MINK1: variants seen among roughly 807,000 people sequenced by gnomAD.
The protein encoded by MINK1 is misshapen-like kinase 1.
In MINK1, 46 loss-of-function variants were observed where a neutral mutation model predicts 178.4. The observed-to-expected ratio is 0.26, with a 90% CI of 0.20 to 0.33. The LOEUF is 0.33. Among genes scored for constraint, MINK1 ranks in the 10% least tolerant of loss-of-function variants. MINK1 has a pLI of 1.00. For missense variants in MINK1, 1,366 were observed against 1,814.9 expected (o/e 0.75, Z 4.49); for synonymous variants, 797 against 709.7 (o/e 1.12, Z -1.96).
At chr17:4,851,332 A>G (rs1299662387) in intron 1 of MINK1, among the ~76,000 whole-genome samples, 1 of 152,176 alleles carries the variant, frequency 6.6e-6, no homozygotes, top group African/African-American at 2.4e-5. Context: ...CCTAAATTAT[A>G]CAGAAGAGTC....
At position 4,896,804 on chromosome 17, in the gene MINK1, G is replaced by C. The variant is rs755867002; in HGVS notation, c.3906G>C (p.Arg1302=). The C allele has an allele frequency of 1.3e-4, 208 of 1,564,456 alleles. No homozygotes were observed. The highest frequency in any genetic ancestry group is 1.8e-4 in the Non-Finnish European group (204 of 1,155,838). ...RAQRLKFLCE[R]NDKVFFASVR... is the part of the protein sequence containing the mutation. ...AGAGGCTCAAGTTCCTGTGTGAGCG[G>C]AATGACAAGGTGGGAGGCTCCTTCC... The change falls in exon 31 of 32, where the codon CGG becomes CGC. Residue 1302 remains arginine, a synonymous_variant. Transcript: ENST00000355280. This position sits in a 1 kb window ranked among gnomAD's most constrained non-coding sequence, Gnocchi z 4.6.
At chr17:4,855,190 T>TTAA (rs554224671) in intron 1 of MINK1, among the ~76,000 whole-genome samples, 2 of 130,166 alleles carry the variant, frequency 1.5e-5, no homozygotes, top group African/African-American at 3.1e-5. Context: ...ACTCCTGTCT[T>TTAA]AAAAAAAAAA....
intron 1 of MINK1, among the ~76,000 whole-genome samples, chr17:4,869,684 A>G (rs781730797): frequency 9.3e-5 from 14 of 150,602 alleles, no homozygotes; most frequent in Non-Finnish European, 4.4e-5. Flanking sequence ...TAGAGGCTGT[A>G]CTAATTTAGA....
chr17:4,884,642 C>T (rs1968031516), intron 5 of MINK1, among the ~76,000 whole-genome samples, 169 bp downstream of exon 5: 1 of 152,162 alleles, frequency 6.6e-6, no homozygotes, highest in African/African-American at 2.4e-5. Context: ...TGGGAAGTCT[C>T]AGGCTGTTGG....
chr17:4,881,166 T>C lies in MINK1; in HGVS notation c.215T>C (p.Met72Thr). The C allele has an allele frequency of 6.5e-7, 1 of 1,537,040 alleles. No homozygotes were observed. The highest frequency in any genetic ancestry group is 8.7e-7 in the Non-Finnish European group (1 of 1,146,858). ...GAAGAGATCAAACAGGAGATCAACA[T>C]GCTGAAAAAGTACTCTCACCACCGC... The part of the protein sequence containing the change: ...EEEEIKQEIN[M>T]LKKYSHHRNI... The change falls in exon 4 of 32, where the codon ATG becomes ACG. Residue 72 changes from methionine (M) to threonine (T), a missense_variant. Coordinates refer to ENST00000355280, the MANE Select transcript of MINK1 (RefSeq NM_153827.5).
At position 4,893,985 on chromosome 17, in the gene MINK1, C is replaced by T; in HGVS notation, c.2565-3C>T. 6.4e-7 allele frequency: 1 copy of T among 1,570,010 alleles called. No individual in the cohort carries two copies. The highest frequency in any genetic ancestry group is 8.6e-7 in the Non-Finnish European group (1 of 1,158,940). ...GGAGGGGCCCCACCTTCCTCTCTCA[C>T]AGCAGCGATGGGGATACAGACAGCG... is the stretch of plus-strand genomic sequence containing the variant. On this transcript the variant is annotated splice_polypyrimidine_tract_variant and splice_region_variant and intron_variant, in intron 21 of 31. Transcript: ENST00000355280.
At chr17:4,890,922 G>A (rs369328163) in intron 14 of MINK1, 29 bp from the exon 15 acceptor site, 20 of 1,551,822 alleles carry the variant, frequency 1.3e-5, no homozygotes, top group Admixed American at 2.0e-5. Context: ...GGCAAGAGCT[G>A]GCCTGCTTGA....
At position 4,885,210 on chromosome 17, in the gene MINK1, G is replaced by A. The variant is rs1293845572; in HGVS notation, c.508+208G>A. ...TTCACCTGTCACCTGTTACGGGCCA[G>A]GTGCTCTGCAGGTTGCTCTGGGGAG... On this transcript the variant is annotated intron_variant, in intron 6 of 31. Coordinates refer to ENST00000355280, the MANE Select transcript of MINK1 (RefSeq NM_153827.5). The surrounding 1 kb of genome is among the most constrained non-coding windows in gnomAD (Gnocchi z 5.0). 6.6e-6 allele frequency among the ~76,000 whole-genome samples: 1 copy of A among 152,214 alleles called. No homozygotes were observed. Among genetic ancestry groups the A allele is most frequent in the Non-Finnish European group, 1.5e-5 (1 of 68,038 alleles).
At chr17:4,880,010 C>T (rs938982700) in intron 2 of MINK1, among the ~76,000 whole-genome samples, 1 of 152,194 alleles carries the variant, frequency 6.6e-6, no homozygotes, top group Non-Finnish European at 1.5e-5. Flanking sequence ...CTACTGCCTC[C>T]ATCCTCCGTT....
At chr17:4,884,082 GTCTTGAACTCCTGACC>G (rs1320312618) in intron 4 of MINK1, among the ~76,000 whole-genome samples, 1 of 146,342 alleles carries the variant, frequency 6.8e-6, no homozygotes, top group African/African-American at 2.6e-5. Flanking sequence ...GGCCAGGCTG[GTCTTGAACTCCTGACC>G]TCAGGTGATC....
Position 4,833,766 on chromosome 17 carries a change from C to T in MINK1, c.57+126C>T, listed in dbSNP as rs752855439. On this transcript the variant is annotated intron_variant, in intron 1 of 31. Transcript: ENST00000355280. This position sits in a 1 kb window ranked among gnomAD's most constrained non-coding sequence, Gnocchi z 4.8. ...ACCAGCTTGGGTCCCCTTGGCGACC[C>T]GTGCCCCTTTCCCGGACTCCCGCCG... is the stretch of plus-strand genomic sequence containing the variant. 1 of 728,398 alleles carries T rather than the reference C, an allele frequency of 1.4e-6. No individual in the cohort carries two copies. Among genetic ancestry groups the T allele is most frequent in the South Asian group, 2.2e-5 (1 of 45,766 alleles). 45.1% of individuals were successfully genotyped at this position (728,398 alleles called of 1,614,324 possible).
intron 5 of MINK1, 70 bp from the exon 6 acceptor site, chr17:4,884,842 C>T: frequency 7.3e-7 from 1 of 1,372,516 alleles, no homozygotes; most frequent in Non-Finnish European, 1.0e-6. Flanking sequence ...GTCCCCTCAA[C>T]TCACTCCCCA....
chr17:4,878,192 C>T, intron 1 of MINK1, 125 bp from the exon 2 acceptor site: 3 of 750,372 alleles, frequency 4.0e-6, no homozygotes, highest in Non-Finnish European at 6.5e-6. Flanking sequence ...GGGTTCCTGC[C>T]ACGTGCCCTC....
rs551083455 is a variant in MINK1, at chr17:4,890,809, A to G, written c.1566+74A>G. On this transcript the variant is annotated intron_variant, in intron 14 of 31. Coordinates refer to ENST00000355280, the MANE Select transcript of MINK1 (RefSeq NM_153827.5). ...GGCCTGGAGAGCCACAAGAAGTAGT[A>G]GTTCACAGTAGCAGGCACCAAGTAG... The G allele has an allele frequency of 4.0e-6, 6 of 1,518,666 alleles. No homozygotes were observed. In the African/African-American group the frequency reaches 6.9e-5, roughly 17 times the overall value. The allele number at this position is 1,518,666 out of a possible 1,614,324, so 94.1% of individuals were successfully genotyped here.
chr17:4,849,342 C>T (rs1460708435), intron 1 of MINK1, among the ~76,000 whole-genome samples: 6 of 152,210 alleles, frequency 3.9e-5, no homozygotes, highest in African/African-American at 1.4e-4. Flanking sequence ...AAACCTATGC[C>T]TCACCCTTGG....
intron 2 of MINK1, among the ~76,000 whole-genome samples, chr17:4,880,706 T>G (rs1967620782): frequency 6.6e-6 from 1 of 150,838 alleles, no homozygotes; most frequent in Non-Finnish European, 1.5e-5. Context: ...GAGACCATCC[T>G]GGCTAACACG....
chr17:4,896,885 T>TGG lies in MINK1; in HGVS notation c.3915+75_3915+76dup. ...GACCCTAGGCCCCTGGGCAGAGTTC[T>TGG]GGGGAGAGGATGGTGGTGGTGGCTT... is the stretch of plus-strand genomic sequence containing the variant. On this transcript the variant is annotated intron_variant, in intron 31 of 31. Coordinates refer to ENST00000355280, the MANE Select transcript of MINK1 (RefSeq NM_153827.5). The surrounding 1 kb of genome is among the most constrained non-coding windows in gnomAD (Gnocchi z 4.6). 1 of 1,491,710 alleles carries TGG rather than the reference T, an allele frequency of 6.7e-7. No homozygotes were observed. Among genetic ancestry groups the TGG allele is most frequent in the Non-Finnish European group, 8.9e-7 (1 of 1,122,044 alleles). The allele number at this position is 1,491,710 out of a possible 1,614,324, so 92.4% of individuals were successfully genotyped here.
rs1216789194 is a variant in MINK1, at chr17:4,894,038, A to C, written c.2615A>C (p.Glu872Ala). Residue 872 changes from glutamate (E) to alanine (A), a missense_variant, in exon 22 of 32, where the codon GAG (glutamate) becomes GCG (alanine). This residue lies in a region of MINK1 where 709 missense variants were observed against 692.3 expected (regional missense o/e 1.02). Transcript: ENST00000355280. This position sits in a 1 kb window ranked among gnomAD's most constrained non-coding sequence, Gnocchi z 4.1. Reference sequence around the variant, plus strand: ...AGCACCATGGTGGTCCACGACGTCGAGGAGATCACCGGGACCCAGCCCCCA... The same window carrying C: ...AGCACCATGGTGGTCCACGACGTCGCGGAGATCACCGGGACCCAGCCCCCA... ...SVSTMVVHDV[E>A]EITGTQPPYG... is the part of the protein sequence containing the mutation. 6.3e-7 allele frequency: 1 copy of C among 1,590,864 alleles called. No homozygotes were observed. The highest frequency in any genetic ancestry group is 8.6e-7 in the Non-Finnish European group (1 of 1,167,936).
chr17:4,868,624 G>A (rs1336783065), intron 1 of MINK1, among the ~76,000 whole-genome samples: 1 of 152,158 alleles, frequency 6.6e-6, no homozygotes, highest in African/African-American at 2.4e-5. Flanking sequence ...ATATTCGATT[G>A]TATAGATATG....
Sources: gnomAD v4.1 joint callset for allele counts (sites outside exome capture counted in the v4.1 genomes callset) on GRCh38, gnomAD v4.1.1 for gene constraint, gnomAD v4.1.1 regional missense constraint, Gnocchi (gnomAD v3.1) non-coding constraint, MANE v1.5 for transcripts, NCBI Gene and HGNC (gene_info 2026-07-23, HGNC 2026-07-21) for gene names.